CYP39A1: variants seen among roughly 807,000 people sequenced by gnomAD.
CYP39A1 encodes the protein cytochrome P450 family 39 subfamily A member 1, also known as 24-hydroxycholesterol 7-alpha-hydroxylase.
A neutral mutation model predicts 58.1 loss-of-function variants in CYP39A1; 49 were observed. The observed-to-expected ratio is 0.84, with a 90% CI of 0.67 to 1.07. CYP39A1 has a LOEUF of 1.07. Among genes scored for constraint, CYP39A1 ranks in the 50% least tolerant of loss-of-function variants. The pLI, the probability that CYP39A1 is intolerant of heterozygous loss-of-function variation, is 0.00. For synonymous variants in CYP39A1, 209 were observed against 187.6 expected (o/e 1.11, Z -0.93); for missense variants, 531 against 539.4 (o/e 0.98, Z 0.16).
At chr6:46,576,160 C>A (rs1561959551) in intron 10 of CYP39A1, among the ~76,000 whole-genome samples, 2 of 152,066 alleles carry the variant, frequency 1.3e-5, no homozygotes, top group African/African-American at 4.8e-5. Flanking sequence ...AACCAGATCT[C>A]ACAACAACTC....
At chr6:46,586,124 A>G in intron 10 of CYP39A1, 1 of 590,136 alleles carries the variant, frequency 1.7e-6, no homozygotes, top group Non-Finnish European at 2.1e-6. Context: ...TTTTAGGGGA[A>G]GCGTAAATTA....
rs116619196 is a variant in CYP39A1, at chr6:46,561,978, G to A, written c.1251-8124C>T. Among the ~76,000 whole-genome samples, 1,188 of 152,226 alleles carry A rather than the reference G, an allele frequency of 7.8e-3. 15 individuals are homozygous for A. The highest frequency in any genetic ancestry group is 0.028 in the African/African-American group (1,157 of 41,540). On this transcript the variant is annotated intron_variant, in intron 10 of 11. Transcript: ENST00000275016. Reference sequence around the variant, plus strand: ...TTCAATATACTGATTGTATATCATGGTGGCTACAGTTAATAACAATATGAA... The same window carrying A: ...TTCAATATACTGATTGTATATCATGATGGCTACAGTTAATAACAATATGAA...
At position 46,635,542 on chromosome 6, in the gene CYP39A1, GTGTT is replaced by G. The variant is rs368397169; in HGVS notation, c.732+843_732+846del. On this transcript the variant is annotated intron_variant, in intron 5 of 11. Transcript: ENST00000275016. ...TTAAAGCAGATTGTCTACCTCAGAGGTGTTTGTTTGTTTGTTTGTTTGTTTTTGA... is the reference window on the plus strand; with the variant it reads ...TTAAAGCAGATTGTCTACCTCAGAGGTGTTTGTTTGTTTGTTTGTTTTTGA... 4.5e-3 allele frequency among the ~76,000 whole-genome samples: 680 copies of G among 152,160 alleles called. 4 individuals carry two copies. The highest frequency in any genetic ancestry group is 0.015 in the African/African-American group (620 of 41,500).
intron 7 of CYP39A1, among the ~76,000 whole-genome samples, chr6:46,622,948 G>C (rs184096284): frequency 1.1e-3 from 168 of 152,198 alleles, no homozygotes; most frequent in Non-Finnish European, 1.8e-3. Context: ...CTTTCCTTTC[G>C]CAAGTATTCA....
intron 7 of CYP39A1, among the ~76,000 whole-genome samples, chr6:46,597,234 G>A (rs939784857): frequency 3.9e-5 from 6 of 152,090 alleles, no homozygotes; most frequent in Non-Finnish European, 8.8e-5. Context: ...GTACCACGTA[G>A]GGACCAGGAG....
chr6:46,598,481 C>G (rs1773302470), intron 7 of CYP39A1, among the ~76,000 whole-genome samples: 1 of 152,166 alleles, frequency 6.6e-6, no homozygotes, highest in Non-Finnish European at 1.5e-5. Flanking sequence ...TGAAAACTGT[C>G]TTGATACACC....
chr6:46,649,732 G>C (rs575069364), intron 1 of CYP39A1, among the ~76,000 whole-genome samples: 2 of 152,300 alleles, frequency 1.3e-5, no homozygotes, highest in Admixed American at 1.3e-4. Flanking sequence ...TGGGAGTGAG[G>C]AGTGAGAACT....
intron 10 of CYP39A1, among the ~76,000 whole-genome samples, chr6:46,569,357 C>A (rs531364467): frequency 1.9e-4 from 29 of 152,112 alleles, no homozygotes; most frequent in African/African-American, 6.7e-4. Context: ...ATTTGGATTT[C>A]TTTTATTTCT....
intron 8 of CYP39A1, among the ~76,000 whole-genome samples, chr6:46,594,093 C>T (rs372209184): frequency 2.0e-5 from 3 of 151,998 alleles, no homozygotes; most frequent in East Asian, 3.9e-4. Context: ...ATTCAATTCA[C>T]CTGCCTGATT....
intron 7 of CYP39A1, among the ~76,000 whole-genome samples, chr6:46,598,274 C>T (rs1046908576): frequency 6.6e-6 from 1 of 152,084 alleles, no homozygotes; most frequent in African/African-American, 2.4e-5. Flanking sequence ...TACCAATATC[C>T]ATACAAGCAA....
intron 1 of CYP39A1, among the ~76,000 whole-genome samples, chr6:46,643,392 C>G (rs1428113262): frequency 2.6e-5 from 4 of 152,216 alleles, no homozygotes; most frequent in Non-Finnish European, 4.4e-5. Flanking sequence ...TCCTGCAACA[C>G]AGTGTTGGGT....
At chr6:46,555,406 G>T (rs1770623068) in intron 10 of CYP39A1, among the ~76,000 whole-genome samples, 1 of 152,134 alleles carries the variant, frequency 6.6e-6, no homozygotes, top group South Asian at 2.1e-4. Context: ...CCCAGAGGAG[G>T]ATTTGTATTA....
In CYP39A1 at chr6:46,636,948, A is replaced by G. The variant is rs562150242; in HGVS notation, c.639-466T>C. 2.6e-5 allele frequency among the ~76,000 whole-genome samples: 4 copies of G among 152,276 alleles called. No individual in the cohort carries two copies. In the East Asian group the frequency reaches 7.7e-4, roughly 29 times the overall value. The stretch of plus-strand genomic sequence containing the variant: ...ATGTCTGTGTCTCTCCCAAATCTTT[A>G]TATGTTGAAATCCTAACCCCCAAGG... On this transcript the variant is annotated intron_variant, in intron 4 of 11. Transcript: ENST00000275016.
At chr6:46,610,431 T>C (rs906954482) in intron 7 of CYP39A1, among the ~76,000 whole-genome samples, 1 of 152,084 alleles carries the variant, frequency 6.6e-6, no homozygotes, top group African/African-American at 2.4e-5. Context: ...AGCCTCGAAC[T>C]CTTGGGTTCA....
At chr6:46,550,944 T>C (rs1367242268) in intron 11 of CYP39A1, among the ~76,000 whole-genome samples, 3 of 152,154 alleles carry the variant, frequency 2.0e-5, no homozygotes, top group Non-Finnish European at 4.4e-5. Context: ...AGATACTTTG[T>C]AGGCTCCAAA....
chr6:46,557,643 T>TA (rs71721488), intron 10 of CYP39A1, among the ~76,000 whole-genome samples: 29,083 of 137,700 alleles, frequency 0.21, 2,968 homozygotes, highest in African/African-American at 0.23. Context: ...ACTCTGTCTT[T>TA]AAAAAAAAAA....
At chr6:46,577,424 A>G (rs1771898372) in intron 10 of CYP39A1, among the ~76,000 whole-genome samples, 1 of 152,164 alleles carries the variant, frequency 6.6e-6, no homozygotes, top group Non-Finnish European at 1.5e-5. Flanking sequence ...ATCTTCACAT[A>G]CTGATATTAA....
intron 1 of CYP39A1, among the ~76,000 whole-genome samples, chr6:46,646,462 T>G (rs1041167401): frequency 6.6e-6 from 1 of 152,126 alleles, no homozygotes; most frequent in African/African-American, 2.4e-5. Flanking sequence ...CTGATAAATT[T>G]TATTTGCTGA....
intron 10 of CYP39A1, chr6:46,583,160 A>C (rs180884525): frequency 1.2e-4 from 115 of 985,376 alleles, no homozygotes; most frequent in Non-Finnish European, 1.0e-4. Flanking sequence ...TAACTTCTCA[A>C]GTATTGCAGC....
Sources: gnomAD v4.1 joint callset for allele counts (sites outside exome capture counted in the v4.1 genomes callset) on GRCh38, gnomAD v4.1.1 for gene constraint, MANE v1.5 for transcripts, NCBI Gene and HGNC (gene_info 2026-07-23, HGNC 2026-07-21) for gene names.